Variants in CREBBP observed in about 807,000 individuals in gnomAD.
CREBBP encodes CREB binding lysine acetyltransferase.
A neutral mutation model predicts 265.0 loss-of-function variants in CREBBP; 19 were observed. That is an observed-to-expected ratio of 0.07 (90% CI 0.05 to 0.11). The LOEUF is 0.11. CREBBP is among the 10% of genes least tolerant of loss of function. The pLI is 1.00. For synonymous variants in CREBBP, 1,457 were observed against 1,223.7 expected (o/e 1.19, Z -3.98); for missense variants, 2,525 against 3,219.0 (o/e 0.78, Z 5.22).
At chr16:3,740,263 G>T in intron 24 of CREBBP, 136 bp downstream of exon 24, 1 of 979,700 alleles carries the variant, frequency 1.0e-6, no homozygotes, top group Non-Finnish European at 1.6e-6. Flanking sequence ...CCGCAGCTGA[G>T]GGGGCTACTG....
chr16:3,810,696 G>A lies in CREBBP; in HGVS notation c.882C>T (p.Asn294=), dbSNP rs2141346983. 1 of 1,613,916 alleles carries A rather than the reference G, an allele frequency of 6.2e-7. No individual in the cohort carries two copies. Among genetic ancestry groups the A allele is most frequent in the African/African-American group, 1.3e-5 (1 of 74,986 alleles). The part of the protein sequence containing the change: ...GGQPMGATGV[N]PQLASKQSMV... ...TGCTCTGTTTGCTGGCTAACTGGGG[G>A]TTCACTCCAGTGGCTCCCATTGGCT... Residue 294 remains asparagine, a synonymous_variant, in exon 3 of 31, where the codon AAC becomes AAT. Coordinates refer to ENST00000262367, the MANE Select transcript of CREBBP (RefSeq NM_004380.3).
chr16:3,847,076 C>G (rs1172676317), intron 2 of CREBBP, among the ~76,000 whole-genome samples: 1 of 152,136 alleles, frequency 6.6e-6, no homozygotes, highest in Admixed American at 6.5e-5. Context: ...TCCAAATGTT[C>G]ATCCTCAGAG....
chr16:3,789,883 TA>T (rs111646959), intron 5 of CREBBP, among the ~76,000 whole-genome samples: 2,197 of 144,448 alleles, frequency 0.015, 31 homozygotes, highest in Middle Eastern at 0.035. Context: ...AAGGATGGTT[TA>T]AAAAAAAAAA....
chr16:3,776,860 T>C (rs1244556728), intron 11 of CREBBP, among the ~76,000 whole-genome samples: 1 of 149,846 alleles, frequency 6.7e-6, no homozygotes, highest in African/African-American at 2.5e-5. Context: ...AAAAAAAAGA[T>C]ACAAAAAATT....
At chr16:3,785,942 C>T (rs946159175) in intron 5 of CREBBP, among the ~76,000 whole-genome samples, 1 of 152,200 alleles carries the variant, frequency 6.6e-6, no homozygotes, top group Non-Finnish European at 1.5e-5. Flanking sequence ...GTCTCACCAC[C>T]CCTTCTGATG....
intron 2 of CREBBP, among the ~76,000 whole-genome samples, chr16:3,846,473 T>A (rs73503926): frequency 6.6e-6 from 1 of 152,208 alleles, no homozygotes; most frequent in Non-Finnish European, 1.5e-5. Context: ...CTAGCAGATA[T>A]GGTCACTCAG....
intron 20 of CREBBP, 74 bp from the exon 21 acceptor site, chr16:3,749,757 A>T: frequency 1.0e-6 from 1 of 980,752 alleles, no homozygotes; most frequent in South Asian, 1.5e-5. Flanking sequence ...GGGTCTCTGG[A>T]ATGTTATTTT....
chr16:3,849,440 T>TGTGTGTGTGGG (rs1567360448), intron 2 of CREBBP, among the ~76,000 whole-genome samples: 1 of 14,866 alleles, frequency 6.7e-5, no homozygotes, highest in Admixed American at 7.8e-4. Flanking sequence ...TGTGTGTGTG[T>TGTGTGTGTGGG]GTGTGTGTGT....
At chr16:3,819,432 C>T (rs1354809236) in intron 2 of CREBBP, among the ~76,000 whole-genome samples, 1 of 152,212 alleles carries the variant, frequency 6.6e-6, no homozygotes, top group Non-Finnish European at 1.5e-5. Flanking sequence ...AGCAATCATT[C>T]TACACTACAT....
chr16:3,729,379 G>A lies in CREBBP; in HGVS notation c.5668C>T (p.Pro1890Ser), dbSNP rs2051849043. 6.2e-7 allele frequency: 1 copy of A among 1,609,882 alleles called. No homozygotes were observed. Among genetic ancestry groups the A allele is most frequent in the Non-Finnish European group, 8.5e-7 (1 of 1,179,734 alleles). ...CTGGGCTGCTGTGTGGGGGTCCCGG[G>A]CGGTGCTGAGGTAGGAGAAGGCAGA... The part of the protein sequence containing the change: ...QSLPSPTSAP[P>S]GTPTQQPSTP... Residue 1890 changes from proline to serine, a missense_variant, in exon 31 of 31, where the codon CCC (proline) becomes TCC (serine). This residue lies in a region of CREBBP where 53 missense variants were observed against 146.3 expected (regional missense o/e 0.36). Transcript: ENST00000262367.
At position 3,770,711 on chromosome 16, in the gene CREBBP, C is replaced by A. The variant is rs2141200749; in HGVS notation, c.2739G>T (p.Gln913His). ...CTGCTGCCTGGACTGTAGGGGTGCT[C>A]TGGGTTTGGGTAGCACTGGGCACTG... ...PGSVPSATQT[Q>H]STPTVQAAAQ... The change falls in exon 14 of 31, where the codon CAG becomes CAT. Residue 913 changes from glutamine (Q) to histidine (H), a missense_variant. Around this residue, in one of 19 missense-constraint regions of CREBBP, gnomAD observed 548 missense variants for 533.0 expected, o/e 1.03. Transcript: ENST00000262367. 1.9e-6 allele frequency: 3 copies of A among 1,613,960 alleles called. No individual in the cohort carries two copies. Among genetic ancestry groups the A allele is most frequent in the Non-Finnish European group, 2.5e-6 (3 of 1,179,986 alleles).
At chr16:3,772,841 G>A (rs1411775772) in intron 13 of CREBBP, among the ~76,000 whole-genome samples, 4 of 150,928 alleles carry the variant, frequency 2.7e-5, no homozygotes, top group Non-Finnish European at 4.4e-5. Context: ...AGGCCGAGGT[G>A]GGTGGATCAC....
intron 11 of CREBBP, among the ~76,000 whole-genome samples, chr16:3,776,695 C>T (rs894157646): frequency 6.6e-6 from 1 of 152,134 alleles, no homozygotes. Context: ...TAACGTACCA[C>T]ACCCCCTTCA....
At chr16:3,878,266 G>C (rs2055444533) in intron 1 of CREBBP, among the ~76,000 whole-genome samples, 3 of 152,200 alleles carry the variant, frequency 2.0e-5, no homozygotes. Flanking sequence ...TGAAGCAACG[G>C]AGATCTGTTT....
Position 3,726,567 on chromosome 16 carries a change from TACAAAGA to T in CREBBP, c.*1144_*1150del. On this transcript the variant is annotated 3_prime_UTR_variant, in exon 31 of 31. Transcript: ENST00000262367. ...TGAGCGAACAACCAGAACCATGTCT[TACAAAGA>T]ACAGACTCAAAAAATATATATAAAT... The T allele has an allele frequency of 4.3e-6, 1 of 233,632 alleles. No homozygotes were observed. Among genetic ancestry groups the T allele is most frequent in the East Asian group, 6.0e-5 (1 of 16,594 alleles). The allele number at this position is 233,632 out of a possible 1,614,324, so 14.5% of individuals were successfully genotyped here. A position where few individuals can be genotyped will look rare whatever the true frequency, so the allele number is the denominator to read the frequency against.
chr16:3,834,824 T>C (rs1030445492), intron 2 of CREBBP, among the ~76,000 whole-genome samples: 2 of 152,134 alleles, frequency 1.3e-5, no homozygotes, highest in Non-Finnish European at 2.9e-5. Context: ...TTCATTTCAT[T>C]GTGAAGCTCA....
At chr16:3,730,672 C>CA in intron 30 of CREBBP, 1 of 185,734 alleles carries the variant, frequency 5.4e-6, no homozygotes, top group South Asian at 1.1e-4. Context: ...ACAGACACCA[C>CA]AGCAAGTGAG....
chr16:3,853,332 C>T (rs1428764509), intron 1 of CREBBP, among the ~76,000 whole-genome samples: 2 of 152,164 alleles, frequency 1.3e-5, no homozygotes, highest in African/African-American at 2.4e-5. Context: ...AACATCAGGC[C>T]GGGTGCGGTG....
rs190752488 is a variant in CREBBP at position 3,783,471 on chromosome 16, A to G, written c.1331-545T>C. Among the ~76,000 whole-genome samples, 19 of 152,370 alleles carry G rather than the reference A, an allele frequency of 1.2e-4. No individual in the cohort carries two copies. In the East Asian group the frequency reaches 3.7e-3, roughly 29 times the overall value. On this transcript the variant is annotated intron_variant, in intron 5 of 30. Coordinates refer to ENST00000262367, the MANE Select transcript of CREBBP (RefSeq NM_004380.3). ...TGCTCTTCCAAATCACATAATTGCA[A>G]GTCCTTGAAACATACACAAACAATG... is the stretch of plus-strand genomic sequence containing the variant.
Sources: allele counts gnomAD v4.1 joint callset (sites outside exome capture counted in the v4.1 genomes callset), GRCh38; gene constraint gnomAD v4.1.1; regional missense constraint gnomAD v4.1.1; transcripts MANE v1.5; gene names NCBI Gene and HGNC (gene_info 2026-07-23, HGNC 2026-07-21).